Variants in DCDC1 observed in about 807,000 individuals in gnomAD.
DCDC1 encodes the protein doublecortin domain-containing protein 1.
Under a neutral mutation model 178.3 loss-of-function variants are expected in DCDC1, and 200 were observed. That is an observed-to-expected ratio of 1.12 (90% CI 1.00 to 1.26). The LOEUF is 1.26. DCDC1 is among the 50% of genes most tolerant of loss of function. The pLI is 0.00. For missense variants in DCDC1, 1,983 were observed against 1,749.2 expected (o/e 1.13, Z -2.38); for synonymous variants, 690 against 604.8 (o/e 1.14, Z -2.07).
intron 9 of DCDC1, among the ~76,000 whole-genome samples, chr11:31,234,765 G>A (rs1427425284): frequency 6.6e-6 from 1 of 152,156 alleles, no homozygotes; most frequent in Non-Finnish European, 1.5e-5. Context: ...TAGGATGTCA[G>A]GTGAAGATAG....
chr11:31,083,125 T>C (rs1292604206), intron 17 of DCDC1, among the ~76,000 whole-genome samples: 1 of 152,184 alleles, frequency 6.6e-6, no homozygotes, highest in Non-Finnish European at 1.5e-5. Context: ...CCTAGTCCGG[T>C]AATGTTTGCC....
chr11:31,232,955 G>C (rs1476937928), intron 9 of DCDC1, among the ~76,000 whole-genome samples: 1 of 152,074 alleles, frequency 6.6e-6, no homozygotes, highest in African/African-American at 2.4e-5. Context: ...GGGCATGGTG[G>C]CATGTGCCTG....
At chr11:30,907,929 A>G (rs1294412825) in intron 29 of DCDC1, among the ~76,000 whole-genome samples, 1 of 152,188 alleles carries the variant, frequency 6.6e-6, no homozygotes, top group Non-Finnish European at 1.5e-5. Context: ...TTCCCTTACA[A>G]CCATATTTTT....
At chr11:30,910,801 TG>T (rs1945391187) in intron 28 of DCDC1, among the ~76,000 whole-genome samples, 1 of 152,226 alleles carries the variant, frequency 6.6e-6, no homozygotes, top group Non-Finnish European at 1.5e-5. Context: ...ATAAATTGTC[TG>T]GCTGCTTTAA....
At chr11:30,954,381 T>G (rs959253497) in intron 20 of DCDC1, among the ~76,000 whole-genome samples, 1 of 152,042 alleles carries the variant, frequency 6.6e-6, no homozygotes. Context: ...AAATAGAAAA[T>G]ACTAAAAACG....
At chr11:31,041,888 T>C (rs1279641704) in intron 20 of DCDC1, among the ~76,000 whole-genome samples, 1 of 152,204 alleles carries the variant, frequency 6.6e-6, no homozygotes, top group South Asian at 2.1e-4. Flanking sequence ...AAAATGACTT[T>C]ATGTTTATAT....
chr11:31,115,656 T>G (rs1457953473), intron 11 of DCDC1, among the ~76,000 whole-genome samples: 2 of 152,086 alleles, frequency 1.3e-5, no homozygotes, highest in African/African-American at 4.8e-5. Flanking sequence ...ACTTACATGT[T>G]GTCTTGGATT....
At chr11:31,268,345 C>T (rs946927187) in intron 7 of DCDC1, among the ~76,000 whole-genome samples, 1 of 152,056 alleles carries the variant, frequency 6.6e-6, no homozygotes, top group African/African-American at 2.4e-5. Context: ...ATATTGCTGC[C>T]TTTGAGTCTT....
chr11:31,269,095 T>C (rs1945371085), intron 7 of DCDC1, among the ~76,000 whole-genome samples: 2 of 152,206 alleles, frequency 1.3e-5, no homozygotes, highest in Admixed American at 1.3e-4. Flanking sequence ...CATTCCTTCC[T>C]ACTTGAAGAA....
chr11:31,011,914 G>A (rs554757543), intron 20 of DCDC1, among the ~76,000 whole-genome samples: 19 of 152,226 alleles, frequency 1.2e-4, no homozygotes, highest in South Asian at 1.0e-3. Flanking sequence ...ATCTTATGTC[G>A]AATTGTAATC....
chr11:31,149,533 G>A (rs1037332696), intron 9 of DCDC1, among the ~76,000 whole-genome samples: 1 of 151,984 alleles, frequency 6.6e-6, no homozygotes, highest in Non-Finnish European at 1.5e-5. Context: ...CAACCTGCTC[G>A]GGTTGGCTTC....
At chr11:31,148,551 C>T (rs1172242875) in intron 9 of DCDC1, among the ~76,000 whole-genome samples, 4 of 151,946 alleles carry the variant, frequency 2.6e-5, no homozygotes, top group African/African-American at 9.7e-5. Flanking sequence ...TCTTTAAGTG[C>T]TAAGTAAGTT....
At chr11:31,060,059 A>G (rs1955827008) in intron 20 of DCDC1, among the ~76,000 whole-genome samples, 1 of 152,054 alleles carries the variant, frequency 6.6e-6, no homozygotes, top group Non-Finnish European at 1.5e-5. Flanking sequence ...AGAAAAAAGC[A>G]TGTCACTTCT....
intron 9 of DCDC1, among the ~76,000 whole-genome samples, chr11:31,186,862 G>C (rs750334021): frequency 2.0e-5 from 3 of 152,154 alleles, no homozygotes; most frequent in Non-Finnish European, 4.4e-5. Context: ...TATATCTGTT[G>C]CAAATCTGTG....
chr11:31,275,490 G>A (rs533858842), intron 7 of DCDC1, among the ~76,000 whole-genome samples: 8 of 152,000 alleles, frequency 5.3e-5, no homozygotes, highest in South Asian at 4.2e-4. Context: ...TTCTGTCGTC[G>A]TTGTTGTTGT....
At chr11:31,130,297 G>C (rs1474511744) in intron 10 of DCDC1, among the ~76,000 whole-genome samples, 2 of 152,070 alleles carry the variant, frequency 1.3e-5, no homozygotes, top group African/African-American at 4.8e-5. Context: ...AATTCTATTA[G>C]TATTATATGT....
chr11:30,920,812 T>A lies in DCDC1; in HGVS notation c.3257A>T (p.Asp1086Val). ...GGAAGCATTTTCCGTTGTTAGAGGATCTTCTTGCATTTGCTTTTCTTCCGG... is the reference window on the plus strand; with the variant it reads ...GGAAGCATTTTCCGTTGTTAGAGGAACTTCTTGCATTTGCTTTTCTTCCGG... The part of the protein sequence containing the change: ...TEPEEKQMQE[D>V]PLTTENASSE... Residue 1086 changes from aspartate to valine, a missense_variant, in exon 25 of 39, where the codon GAT (aspartate) becomes GTT (valine). Coordinates refer to ENST00000684477, the MANE Select transcript of DCDC1 (RefSeq NM_001387274.1). 1 of 1,613,748 alleles carries A rather than the reference T, an allele frequency of 6.2e-7. No individual in the cohort carries two copies. Among genetic ancestry groups the A allele is most frequent in the Non-Finnish European group, 8.5e-7 (1 of 1,179,786 alleles).
At chr11:31,220,853 G>A (rs530537758) in intron 9 of DCDC1, among the ~76,000 whole-genome samples, 49 of 152,224 alleles carry the variant, frequency 3.2e-4, no homozygotes, top group Non-Finnish European at 4.4e-4. Context: ...AAGTTCTTTC[G>A]AGGGGTCTCT....
intron 20 of DCDC1, among the ~76,000 whole-genome samples, chr11:31,029,007 C>T (rs1245029487): frequency 1.3e-5 from 2 of 152,026 alleles, no homozygotes; most frequent in African/African-American, 2.4e-5. Context: ...AAAACAGATG[C>T]TAAGATTTTA....
Sources: gnomAD v4.1 joint callset for allele counts (sites outside exome capture counted in the v4.1 genomes callset) on GRCh38, gnomAD v4.1.1 for gene constraint, MANE v1.5 for transcripts, NCBI Gene and HGNC (gene_info 2026-07-23, HGNC 2026-07-21) for gene names.